Variants in RYR2 observed in about 807,000 individuals in gnomAD.
The protein encoded by RYR2 is cardiac muscle ryanodine receptor-calcium release channel.
Under a neutral mutation model 601.1 loss-of-function variants are expected in RYR2, and 227 were observed. The ratio of observed to expected loss-of-function variants is 0.38; its 90% CI spans 0.34 to 0.42. RYR2 has a LOEUF of 0.42. RYR2 is among the 10% of genes least tolerant of loss of function. RYR2 has a pLI of 1.00. For synonymous variants in RYR2, 2,223 were observed against 2,175.1 expected, an observed-to-expected ratio of 1.02 and a Z score of -0.61; for missense variants, 4,646 against 6,156.5, an observed-to-expected ratio of 0.75 and a Z score of 8.21.
intron 27 of RYR2, among the ~76,000 whole-genome samples, chr1:237,565,857 C>T (rs777830732): frequency 6.6e-6 from 1 of 152,174 alleles, no homozygotes; most frequent in Non-Finnish European, 1.5e-5. Context: ...CTCAATCTCA[C>T]CTGCATCTCA....
At chr1:237,396,925 T>A (rs1187194941) in intron 10 of RYR2, among the ~76,000 whole-genome samples, 1 of 152,138 alleles carries the variant, frequency 6.6e-6, no homozygotes, top group African/African-American at 2.4e-5. Context: ...AAAAAATCTT[T>A]GGGATCATAG....
intron 1 of RYR2, among the ~76,000 whole-genome samples, chr1:237,113,303 A>G (rs1572679824): frequency 6.6e-6 from 1 of 152,024 alleles, no homozygotes; most frequent in Non-Finnish European, 1.5e-5. Context: ...GGTTCAAGCA[A>G]TTCTCCTGCC....
chr1:237,683,860 A>AT (rs1686115069), intron 62 of RYR2, among the ~76,000 whole-genome samples: 1 of 152,160 alleles, frequency 6.6e-6, no homozygotes, highest in South Asian at 2.1e-4. Flanking sequence ...AACCCAGGCT[A>AT]TAGTGTTGGA....
intron 10 of RYR2, among the ~76,000 whole-genome samples, chr1:237,410,553 T>C (rs1704348391): frequency 6.6e-6 from 1 of 152,182 alleles, no homozygotes; most frequent in Admixed American, 6.5e-5. Context: ...AATTTTATTG[T>C]TACACAGCCA....
chr1:237,611,459 G>A (rs1477731142), intron 36 of RYR2, among the ~76,000 whole-genome samples: 1 of 152,130 alleles, frequency 6.6e-6, no homozygotes, highest in African/African-American at 2.4e-5. Context: ...AATACTGGGA[G>A]TGTCTTCGAA....
intron 3 of RYR2, chr1:237,352,948 T>C (rs1037193324): frequency 8.8e-6 from 4 of 455,864 alleles, no homozygotes; most frequent in East Asian, 1.2e-4. Context: ...GCAACTTTCA[T>C]GGGAAAGGCA....
At chr1:237,583,155 G>A (rs1674125266) in intron 29 of RYR2, among the ~76,000 whole-genome samples, 1 of 151,946 alleles carries the variant, frequency 6.6e-6, no homozygotes, top group Admixed American at 6.6e-5. Context: ...TTGTGGTTTT[G>A]ATTTGCATTT....
At chr1:237,566,976 A>G (rs574200952) in intron 28 of RYR2, among the ~76,000 whole-genome samples, 46 of 152,330 alleles carry the variant, frequency 3.0e-4, no homozygotes, top group African/African-American at 1.1e-3. Context: ...CAAGTAAGAC[A>G]TTGCTTTTCC....
intron 1 of RYR2, among the ~76,000 whole-genome samples, chr1:237,163,640 T>C (rs1288229149): frequency 1.3e-5 from 2 of 152,160 alleles, no homozygotes; most frequent in Non-Finnish European, 2.9e-5. Context: ...TTCATGTAGT[T>C]AATGGGTGGT....
At position 237,680,569 on chromosome 1, in the gene RYR2, G is replaced by A; in HGVS notation, c.9009G>A (p.Met3003Ile). The A allele has an allele frequency of 6.2e-7, 1 of 1,600,728 alleles. No individual in the cohort carries two copies. The highest frequency in any genetic ancestry group is 8.5e-7 in the Non-Finnish European group (1 of 1,172,994). Residue 3003 changes from methionine to isoleucine, a missense_variant, in exon 62 of 105, where the codon ATG becomes ATA. By Grantham distance (10) the Met-to-Ile change is conservative (BLOSUM62 1). Coordinates refer to ENST00000366574, the MANE Select transcript of RYR2 (RefSeq NM_001035.3). ...ATGCTTCCAACAAAGAGAAAGAAATGGTGACTAGGTAAACAGCTATAAAAA... is the reference window on the plus strand; with the variant it reads ...ATGCTTCCAACAAAGAGAAAGAAATAGTGACTAGGTAAACAGCTATAAAAA... ...GGHASNKEKE[M>I]VTSLFCKLGV...
chr1:237,762,724 A>G (rs1173547523), intron 84 of RYR2, among the ~76,000 whole-genome samples: 3 of 152,248 alleles, frequency 2.0e-5, no homozygotes, highest in Non-Finnish European at 4.4e-5. Flanking sequence ...GATTGATTTA[A>G]CTTGTGCATT....
chr1:237,293,963 A>AC (rs1188733199), intron 2 of RYR2, among the ~76,000 whole-genome samples: 3 of 151,410 alleles, frequency 2.0e-5, no homozygotes, highest in Non-Finnish European at 4.4e-5. Context: ...TAAAGTTCTG[A>AC]CCCCCCAGTT....
intron 84 of RYR2, among the ~76,000 whole-genome samples, chr1:237,768,119 C>T (rs1449662998): frequency 1.3e-5 from 2 of 152,104 alleles, no homozygotes; most frequent in Non-Finnish European, 2.9e-5. Flanking sequence ...CTTACTGTTT[C>T]ACTCGTAGCT....
chr1:237,203,620 A>T (rs1415729347), intron 1 of RYR2, among the ~76,000 whole-genome samples: 1 of 152,226 alleles, frequency 6.6e-6, no homozygotes, highest in Non-Finnish European at 1.5e-5. Context: ...CTTGACCTCC[A>T]GGTAAATAGG....
intron 99 of RYR2, 117 bp downstream of exon 99, chr1:237,806,400 G>A: frequency 1.0e-6 from 1 of 993,846 alleles, no homozygotes; most frequent in African/African-American, 1.6e-5. Context: ...TTTTTGAAGG[G>A]AGGGTCTGCA....
intron 1 of RYR2, among the ~76,000 whole-genome samples, chr1:237,235,879 T>C (rs902350663): frequency 2.6e-5 from 4 of 152,200 alleles, no homozygotes; most frequent in Admixed American, 6.5e-5. Context: ...GTCGTGCATA[T>C]GTATGTTGGA....
At chr1:237,648,228 A>G (rs1682370485) in intron 48 of RYR2, among the ~76,000 whole-genome samples, 1 of 152,210 alleles carries the variant, frequency 6.6e-6, no homozygotes, top group Admixed American at 6.5e-5. Context: ...GCAGTTAACA[A>G]GTGGATGCCT....
chr1:237,134,541 G>A (rs1203245124), intron 1 of RYR2, among the ~76,000 whole-genome samples: 1 of 152,072 alleles, frequency 6.6e-6, no homozygotes, highest in African/African-American at 2.4e-5. Flanking sequence ...GGAAAGACCT[G>A]CCCCCATGAT....
Position 237,623,767 on chromosome 1 carries a change from C to T in RYR2, c.5919C>T (p.Ile1973=). Residue 1973 remains isoleucine (I), a splice_region_variant and synonymous_variant, in exon 39 of 105, where the codon ATC becomes ATT. Transcript: ENST00000366574. The stretch of plus-strand genomic sequence containing the variant: ...TTTCTTGTTTTTCAAACTTTCAGAT[C>T]AATATGCTTCTCAATTTTAAGGATG... ...KEFRSPPQEQ[I]NMLLNFKDDK... 1.3e-6 allele frequency: 2 copies of T among 1,595,210 alleles called. No individual in the cohort carries two copies. The highest frequency in any genetic ancestry group is 1.7e-4 in the Middle Eastern group (1 of 6,004).
Sources: allele counts gnomAD v4.1 joint callset (sites outside exome capture counted in the v4.1 genomes callset), GRCh38; gene constraint gnomAD v4.1.1; transcripts MANE v1.5; gene names NCBI Gene and HGNC (gene_info 2026-07-23, HGNC 2026-07-21).